OSTN: variants seen among roughly 807,000 people sequenced by gnomAD.
OSTN encodes the protein osteocrin.
In OSTN, 9 loss-of-function variants were observed where a neutral mutation model predicts 12.0. The ratio of observed to expected loss-of-function variants is 0.75; its 90% CI spans 0.45 to 1.30. The LOEUF (loss-of-function observed/expected upper bound fraction) is 1.30, where lower values mean the gene tolerates loss of function less well. Ranked by LOEUF, OSTN falls within the 50% of genes most tolerant of loss-of-function variation. The probability of loss-of-function intolerance (pLI) is 0.00; values close to 1 mark genes in which losing one functional copy is unlikely to be tolerated. For missense variants in OSTN, 148 were observed against 152.3 expected, an observed-to-expected ratio of 0.97 and a Z score of 0.15; for synonymous variants, 59 against 56.9, an observed-to-expected ratio of 1.04 and a Z score of -0.16.
At chr3:191,238,536 G>A (rs532686332) in intron 3 of OSTN, among the ~76,000 whole-genome samples, 12 of 152,320 alleles carry the variant, frequency 7.9e-5, no homozygotes, top group Admixed American at 2.0e-4. Flanking sequence ...TAGAGGAAAC[G>A]AGGCTGTGAT....
In OSTN at chr3:191,250,729, T is replaced by G. The variant is rs1432198374; in HGVS notation, c.*12+596T>G. ...ATGTAGTGGTATTCTGAAGATTACA[T>G]TAGATGTTTGTAGTGGGCCTACAAT... On this transcript the variant is annotated intron_variant, in intron 4 of 4. Transcript: ENST00000682035. 2.6e-5 allele frequency among the ~76,000 whole-genome samples: 4 copies of G among 152,272 alleles called. No individual in the cohort carries two copies. The East Asian group carries it at 7.7e-4, about 29-fold the overall frequency.
intron 3 of OSTN, among the ~76,000 whole-genome samples, chr3:191,224,606 A>C (rs1055560237): frequency 1.3e-5 from 2 of 152,114 alleles, no homozygotes; most frequent in Admixed American, 6.5e-5. Context: ...GGTGACAAAC[A>C]AACCTTAGGA....
intron 1 of OSTN, among the ~76,000 whole-genome samples, chr3:191,199,661 G>T (rs1041697046): frequency 2.6e-5 from 4 of 151,954 alleles, no homozygotes; most frequent in African/African-American, 7.2e-5. Context: ...TAAAAGAGTG[G>T]TCTAAACAAC....
At chr3:191,251,664 CT>C (rs1190396803) in intron 4 of OSTN, among the ~76,000 whole-genome samples, 1 of 152,148 alleles carries the variant, frequency 6.6e-6, no homozygotes, top group Non-Finnish European at 1.5e-5. Flanking sequence ...TTTAATGAAC[CT>C]CTGCAGTTAA....
At chr3:191,249,565 C>G (rs527501508) in intron 3 of OSTN, among the ~76,000 whole-genome samples, 2 of 152,252 alleles carry the variant, frequency 1.3e-5, no homozygotes, top group African/African-American at 4.8e-5. Flanking sequence ...GGTATATTTA[C>G]CTCTACATTC....
intron 1 of OSTN, among the ~76,000 whole-genome samples, chr3:191,207,261 C>T (rs1714298697): frequency 6.6e-6 from 1 of 152,096 alleles, no homozygotes; most frequent in Non-Finnish European, 1.5e-5. Context: ...AATTCCTAGA[C>T]AATATCAAGA....
intron 2 of OSTN, 140 bp from the exon 3 acceptor site, chr3:191,218,607 G>A: frequency 1.5e-6 from 1 of 665,956 alleles, no homozygotes; most frequent in Non-Finnish European, 2.5e-6. Context: ...TTGACAACAA[G>A]CACAAAACTT....
chr3:191,248,964 T>C (rs73199673), intron 3 of OSTN, among the ~76,000 whole-genome samples: 33,155 of 152,114 alleles, frequency 0.22, 4,277 homozygotes, highest in South Asian at 0.36. Flanking sequence ...TTTAAGTTTA[T>C]CTCTCATTGC....
Position 191,258,144 on chromosome 3 carries a change from T to C in OSTN, c.*13-4722T>C, listed in dbSNP as rs566336744. Among the ~76,000 whole-genome samples the C allele has an allele frequency of 1.9e-4, 29 of 152,328 alleles. No homozygotes were observed. In the South Asian group the frequency reaches 2.9e-3, roughly 15 times the overall value. Reference sequence around the variant, plus strand: ...TATATCTCAAAGCACAGAGAGAATTTGATTTTTCAAGAAGCTTGAGTAGTC... The same window carrying C: ...TATATCTCAAAGCACAGAGAGAATTCGATTTTTCAAGAAGCTTGAGTAGTC... On this transcript the variant is annotated intron_variant, in intron 4 of 4. Transcript: ENST00000682035.
intron 1 of OSTN, 108 bp from the exon 2 acceptor site, chr3:191,212,425 G>A (rs1050875456): frequency 2.9e-5 from 13 of 452,814 alleles, no homozygotes; most frequent in Admixed American, 7.3e-5. Flanking sequence ...TACTGAAGCC[G>A]AATAATTTGG....
chr3:191,246,938 C>G (rs1715447598), intron 3 of OSTN, among the ~76,000 whole-genome samples: 1 of 152,198 alleles, frequency 6.6e-6, no homozygotes, highest in Non-Finnish European at 1.5e-5. Flanking sequence ...TTGGCCCAAC[C>G]AGATAACCCA....
chr3:191,233,859 G>A (rs973153611), intron 3 of OSTN, among the ~76,000 whole-genome samples: 4 of 152,112 alleles, frequency 2.6e-5, no homozygotes, highest in African/African-American at 9.6e-5. Context: ...TGGGTGTGGC[G>A]GCGCATGCCT....
chr3:191,201,557 CTTTCT>C (rs1372054395), intron 1 of OSTN, among the ~76,000 whole-genome samples: 2 of 152,036 alleles, frequency 1.3e-5, no homozygotes, highest in African/African-American at 4.8e-5. Context: ...TACAGCTGAG[CTTTCT>C]TTTGTTTCTT....
At chr3:191,231,117 G>T (rs1470201502) in intron 3 of OSTN, among the ~76,000 whole-genome samples, 2 of 151,964 alleles carry the variant, frequency 1.3e-5, no homozygotes, top group East Asian at 3.9e-4. Context: ...TTAAATACAG[G>T]AATTCCTCTT....
intron 4 of OSTN, among the ~76,000 whole-genome samples, chr3:191,251,998 T>A (rs920827089): frequency 6.6e-6 from 1 of 152,240 alleles, no homozygotes; most frequent in Non-Finnish European, 1.5e-5. Flanking sequence ...ATTTCAACAT[T>A]TTTTAGTTCA....
At chr3:191,232,934 T>G (rs1715098181) in intron 3 of OSTN, among the ~76,000 whole-genome samples, 1 of 152,114 alleles carries the variant, frequency 6.6e-6, no homozygotes, top group South Asian at 2.1e-4. Flanking sequence ...ATCTTTCATT[T>G]ACAGGTTAAT....
intron 1 of OSTN, among the ~76,000 whole-genome samples, chr3:191,202,486 T>C (rs545959441): frequency 6.6e-6 from 1 of 152,316 alleles, no homozygotes; most frequent in African/African-American, 2.4e-5. Flanking sequence ...CATCCTGTTT[T>C]TGAGTAGTAT....
At chr3:191,219,946 C>T (rs1431140720) in intron 3 of OSTN, among the ~76,000 whole-genome samples, 1 of 152,148 alleles carries the variant, frequency 6.6e-6, no homozygotes, top group Non-Finnish European at 1.5e-5. Flanking sequence ...CCTTTATCAC[C>T]AACGTATCCT....
intron 4 of OSTN, among the ~76,000 whole-genome samples, chr3:191,256,531 A>G (rs1371664350): frequency 6.6e-6 from 1 of 152,068 alleles, no homozygotes; most frequent in Non-Finnish European, 1.5e-5. Flanking sequence ...AGAGATTTCA[A>G]AAAGCATAGA....
Sources: gnomAD v4.1 joint callset for allele counts (sites outside exome capture counted in the v4.1 genomes callset) on GRCh38, gnomAD v4.1.1 for gene constraint, MANE v1.5 for transcripts, NCBI Gene and HGNC (gene_info 2026-07-23, HGNC 2026-07-21) for gene names.